PLEKHG6: variants seen among roughly 807,000 people sequenced by gnomAD.
PLEKHG6 encodes the protein pleckstrin homology and RhoGEF domain containing G6, also known as pleckstrin homology domain-containing family G member 6.
In PLEKHG6, 91 loss-of-function variants were observed where a neutral mutation model predicts 97.5. The observed-to-expected ratio is 0.93, with a 90% CI of 0.79 to 1.11. The LOEUF is 1.11. PLEKHG6 is among the 50% of genes most tolerant of loss of function. PLEKHG6 has a pLI of 0.00. For missense variants in PLEKHG6, 1,044 were observed against 1,031.0 expected (o/e 1.01, Z -0.17); for synonymous variants, 466 against 425.5 (o/e 1.10, Z -1.17).
At chr12:6,327,998 A>ATGG (rs748567443) in intron 15 of PLEKHG6, 52 bp downstream of exon 15, 6 of 1,502,578 alleles carry the variant, frequency 4.0e-6, no homozygotes, top group South Asian at 3.7e-5. Context: ...GGATGTCTGT[A>ATGG]TGGTGGTGGG....
Position 6,318,862 on chromosome 12 carries a change from C to T in PLEKHG6, c.1393C>T (p.Pro465Ser). The change falls in exon 12 of 16, where the codon CCC (proline) becomes TCC (serine). Residue 465 changes from proline (P) to serine (S), a missense_variant. Pro to Ser is a moderately conservative substitution (Grantham distance 74). Transcript: ENST00000684764. ...CATGCTGGAGAAGCTCGTGTGCCAACCCCTGCGAGACCCCAGTACGTCCTT... is the reference window on the plus strand; with the variant it reads ...CATGCTGGAGAAGCTCGTGTGCCAATCCCTGCGAGACCCCAGTACGTCCTT... ...PLMLEKLVCQ[P>S]LRDPNSFLLI... The T allele has an allele frequency of 6.8e-6, 11 of 1,614,230 alleles. No individual in the cohort carries two copies. The highest frequency in any genetic ancestry group is 1.1e-5 in the South Asian group (1 of 91,090).
intron 13 of PLEKHG6, among the ~76,000 whole-genome samples, chr12:6,320,021 A>G (rs527506798): frequency 7.1e-4 from 108 of 152,322 alleles, no homozygotes; most frequent in African/African-American, 2.5e-3. Flanking sequence ...GGCATTCCAC[A>G]TGGAGGAGCA....
chr12:6,313,556 G>GC lies in PLEKHG6; in HGVS notation c.139-67dup, dbSNP rs71584803. The GC allele has an allele frequency of 2.8e-3, 4,301 of 1,544,788 alleles. 113 individuals carry two copies. The African/African-American group carries it at 0.052, about 19-fold the overall frequency. ...GGGAACAACATCTAGAGCCAAGCCT[G>GC]CCCCCCTACTACCTCTCTGGGGTTT... On this transcript the variant is annotated intron_variant, in intron 2 of 15. Coordinates refer to ENST00000684764, the MANE Select transcript of PLEKHG6 (RefSeq NM_001384598.1).
At position 6,315,075 on chromosome 12, in the gene PLEKHG6, C is replaced by A; in HGVS notation, c.365C>A (p.Pro122His). 6.2e-7 allele frequency: 1 copy of A among 1,613,724 alleles called. No individual in the cohort carries two copies. Among genetic ancestry groups the A allele is most frequent in the Non-Finnish European group, 8.5e-7 (1 of 1,180,012 alleles). ...TFSMFGMPRL[P>H]PEDRRHWEIG... is the part of the protein sequence containing the mutation. ...AGCATGTTTGGGATGCCCCGGCTGCCCCCTGAGGACCGGCGGCACTGGGAG... is the reference window on the plus strand; with the variant it reads ...AGCATGTTTGGGATGCCCCGGCTGCACCCTGAGGACCGGCGGCACTGGGAG... The change falls in exon 4 of 16, where the codon CCC becomes CAC. Residue 122 changes from proline (P) to histidine (H), a missense_variant. By Grantham distance (77) the Pro-to-His change is moderately conservative. Coordinates refer to ENST00000684764, the MANE Select transcript of PLEKHG6 (RefSeq NM_001384598.1). The surrounding 1 kb of genome is among the most constrained non-coding windows in gnomAD (Gnocchi z 4.5).
intron 13 of PLEKHG6, chr12:6,319,635 C>T (rs1420415119): frequency 1.3e-6 from 2 of 1,535,890 alleles, no homozygotes; most frequent in Admixed American, 2.0e-5. Flanking sequence ...GCTACTGTGC[C>T]AGCCACTGGG....
At chr12:6,324,929 G>T (rs990849164) in intron 13 of PLEKHG6, among the ~76,000 whole-genome samples, 6 of 152,298 alleles carry the variant, frequency 3.9e-5, no homozygotes, top group African/African-American at 1.4e-4. Context: ...CGCTGCACTA[G>T]AGGTCCTCTG....
In PLEKHG6 at chr12:6,326,572, A is replaced by G. The variant is rs764992615; in HGVS notation, c.1669A>G (p.Arg557Gly). 11 of 1,510,978 alleles carry G rather than the reference A, an allele frequency of 7.3e-6. No individual in the cohort carries two copies. The highest frequency in any genetic ancestry group is 7.1e-6 in the Non-Finnish European group (8 of 1,134,476). The allele number at this position is 1,510,978 out of a possible 1,614,324, so 93.6% of individuals were successfully genotyped here. The change falls in exon 14 of 16, where the codon AGG becomes GGG. Residue 557 changes from arginine to glycine, a missense_variant and splice_region_variant. Coordinates refer to ENST00000684764, the MANE Select transcript of PLEKHG6 (RefSeq NM_001384598.1). ...LEGSQSSAEG[R>G]TPEFSTIIPH... ...GGGCTCTCAGAGCAGCGCAGAGGGG[A>G]GGTAAGGCTCACACGGACTACAAGG...
chr12:6,312,649 T>C, intron 2 of PLEKHG6: 1 of 1,237,876 alleles, frequency 8.1e-7, no homozygotes, highest in Non-Finnish European at 1.0e-6. Flanking sequence ...GCGGGTAAGG[T>C]CATCAAACCC....
chr12:6,318,251 G>A (rs1947558794), intron 10 of PLEKHG6, 50 bp from the exon 11 acceptor site: 24 of 1,611,700 alleles, frequency 1.5e-5, no homozygotes, highest in Non-Finnish European at 1.9e-5. Context: ...TGGCCAGGAA[G>A]TCCAGGCAGA....
At chr12:6,313,182 C>T in intron 2 of PLEKHG6, 1 of 1,550,056 alleles carries the variant, frequency 6.5e-7, no homozygotes, top group Non-Finnish European at 8.7e-7. Flanking sequence ...GAGAAGGCTG[C>T]ACATGTGAGT....
Position 6,318,878 on chromosome 12 carries a change from G to A in PLEKHG6, c.1408+1G>A. On this transcript the variant is annotated splice_donor_variant, in intron 12 of 15. Coordinates refer to ENST00000684764, the MANE Select transcript of PLEKHG6 (RefSeq NM_001384598.1). LOFTEE classifies it high-confidence loss of function. ...GTGTGCCAACCCCTGCGAGACCCCA[G>A]TACGTCCTTCCTTCAGGGAGTCTTT... 2 of 1,614,234 alleles carry A rather than the reference G, an allele frequency of 1.2e-6. No individual in the cohort carries two copies. The highest frequency in any genetic ancestry group is 2.2e-5 in the South Asian group (2 of 91,090).
In PLEKHG6 at chr12:6,317,896, CAGG is replaced by C; in HGVS notation, c.1058_1060del (p.Gln353_Val354delinsLeu). ...GTCATTCCTGCGACACATCAATGGG[CAGG>C]TCCGCCAGGGCGAAGAGCAAGAGAG... On this transcript the variant is annotated inframe_deletion, in exon 10 of 16. Transcript: ENST00000684764. 1.3e-6 allele frequency: 2 copies of C among 1,558,068 alleles called. No individual in the cohort carries two copies. Among genetic ancestry groups the C allele is most frequent in the Non-Finnish European group, 1.7e-6 (2 of 1,150,232 alleles).
intron 13 of PLEKHG6, among the ~76,000 whole-genome samples, chr12:6,323,982 G>C (rs183811519): frequency 6.6e-5 from 10 of 152,188 alleles, no homozygotes; most frequent in Admixed American, 5.9e-4. Context: ...GTGAATCTAG[G>C]AGCCACCCCA....
Position 6,319,066 on chromosome 12 carries a change from T to C in PLEKHG6, c.1482T>C (p.Pro494=), listed in dbSNP as rs1396901651. ...CCCTCCTTGTGCACTGTCCCAGTCC[T>C]ACAGACCGTGCCCAGTGGCTGGAGA... ...SSALLVHCPS[P]TDRAQWLEKT... is the part of the protein sequence containing the mutation. The change falls in exon 13 of 16, where the codon CCT becomes CCC. Residue 494 remains proline, a synonymous_variant. Transcript: ENST00000684764. 2 of 1,611,866 alleles carry C rather than the reference T, an allele frequency of 1.2e-6. No homozygotes were observed. Among genetic ancestry groups the C allele is most frequent in the Non-Finnish European group, 1.7e-6 (2 of 1,178,236 alleles).
Position 6,314,612 on chromosome 12 carries a change from C to T in PLEKHG6, c.295-393C>T, listed in dbSNP as rs947277426. On this transcript the variant is annotated intron_variant, in intron 3 of 15. Coordinates refer to ENST00000684764, the MANE Select transcript of PLEKHG6 (RefSeq NM_001384598.1). ...AGTGGTGCCTGAGACCACTGGTTCT[C>T]TAAGTCTTGTTCTGATTCACTTGAA... is the stretch of plus-strand genomic sequence containing the variant. 4.6e-5 allele frequency among the ~76,000 whole-genome samples: 7 copies of T among 152,308 alleles called. No individual in the cohort carries two copies. In the East Asian group the frequency reaches 5.8e-4, roughly 13 times the overall value.
At chr12:6,322,622 C>G (rs1300683395) in intron 13 of PLEKHG6, among the ~76,000 whole-genome samples, 5 of 152,170 alleles carry the variant, frequency 3.3e-5, no homozygotes, top group African/African-American at 1.2e-4. Flanking sequence ...CTCACCTCCT[C>G]TAATCCCAGC....
In PLEKHG6 at chr12:6,318,113, T is replaced by G. The variant is rs1312709086; in HGVS notation, c.1155+119T>G. The stretch of plus-strand genomic sequence containing the variant: ...GTGCTACAAGGGTGTCCATCATTCC[T>G]ACCTGGTGGTGACAGTCCAAGGGGT... On this transcript the variant is annotated intron_variant, in intron 10 of 15. Transcript: ENST00000684764. 4 of 1,379,656 alleles carry G rather than the reference T, an allele frequency of 2.9e-6. No homozygotes were observed. The African/African-American group carries it at 5.8e-5, about 20-fold the overall frequency. 85.5% of individuals were successfully genotyped at this position (1,379,656 alleles called of 1,614,324 possible). A position where few individuals can be genotyped will look rare whatever the true frequency, so the allele number is the denominator to read the frequency against.
intron 13 of PLEKHG6, among the ~76,000 whole-genome samples, chr12:6,320,978 G>A (rs375204888): frequency 6.6e-6 from 1 of 152,048 alleles, no homozygotes; most frequent in Non-Finnish European, 1.5e-5. Flanking sequence ...GCCTGGATGC[G>A]CTTGAGTTAA....
chr12:6,315,577 C>T lies in PLEKHG6; in HGVS notation c.483C>T (p.His161=), dbSNP rs753858022. The change falls in exon 5 of 16, where the codon CAC becomes CAT. Residue 161 remains histidine, a synonymous_variant. Coordinates refer to ENST00000684764, the MANE Select transcript of PLEKHG6 (RefSeq NM_001384598.1). The surrounding 1 kb of genome is among the most constrained non-coding windows in gnomAD (Gnocchi z 4.5). ...GHKEMSQELC[H]QQEALWELLT... is the part of the protein sequence containing the mutation. Reference sequence around the variant, plus strand: ...AGGAGATGAGCCAGGAGCTCTGCCACCAACAGGAGGCCCTGTGGGAGCTCC... The same window carrying T: ...AGGAGATGAGCCAGGAGCTCTGCCATCAACAGGAGGCCCTGTGGGAGCTCC... 2.5e-6 allele frequency: 4 copies of T among 1,582,738 alleles called. No individual in the cohort carries two copies. In the South Asian group the frequency reaches 3.3e-5, roughly 13 times the overall value.
Sources: gnomAD v4.1 joint callset for allele counts (sites outside exome capture counted in the v4.1 genomes callset) on GRCh38, gnomAD v4.1.1 for gene constraint, Gnocchi (gnomAD v3.1) non-coding constraint, MANE v1.5 for transcripts, NCBI Gene and HGNC (gene_info 2026-07-23, HGNC 2026-07-21) for gene names.